Variants in PTBP3 observed in about 807,000 individuals in gnomAD.
PTBP3 encodes the protein polypyrimidine tract-binding protein 3.
In PTBP3, 20 loss-of-function variants were observed where a neutral mutation model predicts 58.7. The ratio of observed to expected loss-of-function variants is 0.34; its 90% CI spans 0.24 to 0.50. PTBP3 has a LOEUF of 0.50. Among genes scored for constraint, PTBP3 ranks in the 20% least tolerant of loss-of-function variants. PTBP3 has a pLI of 0.98. For synonymous variants in PTBP3, 185 were observed against 219.8 expected (o/e 0.84, Z 1.40); for missense variants, 509 against 637.2 (o/e 0.80, Z 2.17).
rs1452452739 is a variant in PTBP3, at chr9:112,218,807, T to C, written c.*5044A>G. The C allele has an allele frequency of 1.3e-5, 2 of 152,640 alleles. No homozygotes were observed. Among genetic ancestry groups the C allele is most frequent in the African/African-American group, 4.8e-5 (2 of 41,448 alleles). 9.5% of individuals were successfully genotyped at this position (152,640 alleles called of 1,614,324 possible). ...TTCATTTGTTCCCAAAAACCTTTTT[T>C]TCTTTTTTGGCCTTGTTAAAAAAAA... On this transcript the variant is annotated 3_prime_UTR_variant, in exon 14 of 14. Coordinates refer to ENST00000374257, the MANE Select transcript of PTBP3 (RefSeq NM_001163788.4).
chr9:112,327,386 G>A (rs745826508), intron 1 of PTBP3, among the ~76,000 whole-genome samples: 13 of 151,880 alleles, frequency 8.6e-5, no homozygotes, highest in Middle Eastern at 6.8e-3. Context: ...TGGTGAAACC[G>A]TTTCTACTAA....
intron 1 of PTBP3, among the ~76,000 whole-genome samples, chr9:112,307,426 T>TG (rs748153763): frequency 5.3e-5 from 8 of 152,140 alleles, no homozygotes; most frequent in Non-Finnish European, 1.2e-4. Flanking sequence ...CACTCTGGCC[T>TG]GGGTGACAAA....
rs1019133306 is a variant in PTBP3, at chr9:112,223,219, G to T, written c.*632C>A. The T allele has an allele frequency of 8.1e-5, 76 of 938,246 alleles. No homozygotes were observed. The African/African-American group carries it at 1.2e-3, about 15-fold the overall frequency. The allele number at this position is 938,246 out of a possible 1,614,324, so 58.1% of individuals were successfully genotyped here. On this transcript the variant is annotated 3_prime_UTR_variant, in exon 14 of 14. Coordinates refer to ENST00000374257, the MANE Select transcript of PTBP3 (RefSeq NM_001163788.4). ...AAATAGTCTTAAAAAGTTAAAGATA[G>T]GCATTATTTAAAGGAGTGTCTTACA... is the stretch of plus-strand genomic sequence containing the variant.
chr9:112,343,676 G>A, the PTBP3 span, among the ~76,000 whole-genome samples: 16 of 151,920 alleles, frequency 1.1e-4, no homozygotes, highest in Non-Finnish European at 2.1e-4. Context: ...TGTAATCCCA[G>A]CTACTTGGGA....
intron 1 of PTBP3, chr9:112,332,857 A>G (rs1830433905): frequency 3.1e-6 from 5 of 1,611,454 alleles, no homozygotes; most frequent in African/African-American, 1.3e-5. Context: ...CACTAAGTCC[A>G]GACCCCTGGT....
chr9:112,255,782 C>T (rs1836321889), intron 5 of PTBP3, among the ~76,000 whole-genome samples: 2 of 152,150 alleles, frequency 1.3e-5, no homozygotes, highest in South Asian at 4.1e-4. Flanking sequence ...TTTCAGACCT[C>T]TAGGCCCATA....
At chr9:112,344,329 TA>T in the PTBP3 span, among the ~76,000 whole-genome samples, 2 of 152,170 alleles carry the variant, frequency 1.3e-5, no homozygotes, top group East Asian at 1.9e-4. Context: ...ATTAGGTCAT[TA>T]GGGGGAATTA....
chr9:112,261,397 C>T (rs1401636768), intron 5 of PTBP3, among the ~76,000 whole-genome samples: 1 of 152,188 alleles, frequency 6.6e-6, no homozygotes, highest in Non-Finnish European at 1.5e-5. Context: ...GGTATAAGGA[C>T]TGTGGGAAAG....
intron 5 of PTBP3, among the ~76,000 whole-genome samples, chr9:112,259,396 T>C (rs1479624504): frequency 6.6e-6 from 1 of 152,240 alleles, no homozygotes; most frequent in Non-Finnish European, 1.5e-5. Flanking sequence ...ACTGCTCTAA[T>C]GCCCTCTCGC....
At chr9:112,245,854 C>A (rs533279879) in intron 7 of PTBP3, among the ~76,000 whole-genome samples, 1 of 152,182 alleles carries the variant, frequency 6.6e-6, no homozygotes, top group East Asian at 1.9e-4. Flanking sequence ...GGAAATTATA[C>A]CCTGTAGAAT....
In PTBP3 at chr9:112,274,010, T is replaced by C. The variant is rs190814766; in HGVS notation, c.204+1834A>G. ...CAGCCTTTCACAGGCAATTAGCCAT[T>C]AGACATGGCCATGTGGTCTCTGTTC... On this transcript the variant is annotated intron_variant, in intron 3 of 13. Coordinates refer to ENST00000374257, the MANE Select transcript of PTBP3 (RefSeq NM_001163788.4). Among the ~76,000 whole-genome samples the C allele has an allele frequency of 9.2e-5, 14 of 152,316 alleles. No individual in the cohort carries two copies. In the East Asian group the frequency reaches 1.9e-3, roughly 21 times the overall value.
At chr9:112,327,458 G>A (rs1587897991) in intron 1 of PTBP3, among the ~76,000 whole-genome samples, 2 of 152,042 alleles carry the variant, frequency 1.3e-5, no homozygotes, top group Non-Finnish European at 2.9e-5. Flanking sequence ...TACTCAGGAC[G>A]CTGAGGCAGG....
At chr9:112,241,428 G>A (rs1238426898) in intron 7 of PTBP3, among the ~76,000 whole-genome samples, 2 of 152,068 alleles carry the variant, frequency 1.3e-5, no homozygotes, top group Non-Finnish European at 2.9e-5. Context: ...TATTATTAAG[G>A]AAATAAAAAT....
rs375796179 is a variant in PTBP3, at chr9:112,332,800, T to C, written c.-52+670A>G. The C allele has an allele frequency of 8.7e-6, 14 of 1,612,362 alleles. No homozygotes were observed. The African/African-American group carries it at 1.5e-4, about 17-fold the overall frequency. On this transcript the variant is annotated intron_variant, in intron 1 of 13. Transcript: ENST00000374257. ...TTTACATACACGGGCAGATAATTCATTAAGTTTCTTGGGGAGAGAGAAAGG... is the reference window on the plus strand; with the variant it reads ...TTTACATACACGGGCAGATAATTCACTAAGTTTCTTGGGGAGAGAGAAAGG...
At chr9:112,369,000 G>C in the PTBP3 span, among the ~76,000 whole-genome samples, 2 of 152,246 alleles carry the variant, frequency 1.3e-5, no homozygotes, top group South Asian at 4.1e-4. Flanking sequence ...AGCCTTGATG[G>C]CTTACACGAG....
chr9:112,325,925 G>A (rs1830138948), intron 1 of PTBP3, among the ~76,000 whole-genome samples: 1 of 152,156 alleles, frequency 6.6e-6, no homozygotes, highest in African/African-American at 2.4e-5. Flanking sequence ...GGCCGAGGCA[G>A]GAGGATCACC....
At chr9:112,243,238 G>T (rs1835733757) in intron 7 of PTBP3, among the ~76,000 whole-genome samples, 1 of 151,544 alleles carries the variant, frequency 6.6e-6, no homozygotes, top group South Asian at 2.1e-4. Context: ...ACAAGAAAAA[G>T]AATTAAAGTC....
intron 1 of PTBP3, among the ~76,000 whole-genome samples, chr9:112,325,079 A>G (rs1441835695): frequency 6.6e-6 from 1 of 152,246 alleles, no homozygotes; most frequent in Non-Finnish European, 1.5e-5. Flanking sequence ...CCCAAACTGA[A>G]AAGTGCCCAA....
At chr9:112,298,052 CA>C (rs1828768346) in intron 1 of PTBP3, 136 bp from the exon 2 acceptor site, 5 of 649,920 alleles carry the variant, frequency 7.7e-6, no homozygotes, top group Middle Eastern at 4.1e-4. Context: ...TCAAGAATCA[CA>C]AAATCAAATG....
Sources: gnomAD v4.1 joint callset for allele counts (sites outside exome capture counted in the v4.1 genomes callset) on GRCh38, gnomAD v4.1.1 for gene constraint, MANE v1.5 for transcripts, NCBI Gene and HGNC (gene_info 2026-07-23, HGNC 2026-07-21) for gene names.